Variants in ST8SIA6 observed in about 807,000 individuals in gnomAD.
ST8SIA6 encodes the protein ST8 alpha-N-acetyl-neuraminide alpha-2,8-sialyltransferase 6.
A neutral mutation model predicts 33.6 loss-of-function variants in ST8SIA6; 39 were observed. The ratio of observed to expected loss-of-function variants is 1.16; its 90% CI spans 0.90 to 1.52. ST8SIA6 has a LOEUF of 1.52. ST8SIA6 is among the 40% of genes most tolerant of loss of function. The pLI is 0.00. For synonymous variants in ST8SIA6, 172 were observed against 167.2 expected, an observed-to-expected ratio of 1.03 and a Z score of -0.22; for missense variants, 441 against 443.8, an observed-to-expected ratio of 0.99 and a Z score of 0.06.
intron 2 of ST8SIA6, among the ~76,000 whole-genome samples, chr10:17,434,039 C>CT (rs1254484639): frequency 5.9e-5 from 9 of 152,298 alleles, no homozygotes; most frequent in South Asian, 2.1e-4. Flanking sequence ...AAAACAGGCA[C>CT]TTGTACCTGT....
At chr10:17,354,214 C>T (rs4146638) in intron 4 of ST8SIA6, among the ~76,000 whole-genome samples, 23,864 of 152,038 alleles carry the variant, frequency 0.16, 2,238 homozygotes, top group East Asian at 0.49. Context: ...GACTAGAGGG[C>T]GTCTCATATC....
At chr10:17,438,964 C>A (rs1852375550) in intron 2 of ST8SIA6, among the ~76,000 whole-genome samples, 2 of 152,166 alleles carry the variant, frequency 1.3e-5, no homozygotes, top group Admixed American at 6.5e-5. Context: ...CTTTTTCAAT[C>A]CAGTGTGTTG....
rs1847766645 is a variant in ST8SIA6 at position 17,316,087 on chromosome 10, AAT to A, written c.*4789_*4790del. Reference sequence around the variant, plus strand: ...TAAGAATATCATATGTGAGTATAAGAATATATATGTCAAAGGCTTGCTGTATT... The same window carrying A: ...TAAGAATATCATATGTGAGTATAAGAATATATGTCAAAGGCTTGCTGTATT... On this transcript the variant is annotated 3_prime_UTR_variant, in exon 8 of 8. Coordinates refer to ENST00000377602, the MANE Select transcript of ST8SIA6 (RefSeq NM_001004470.3). Among the ~76,000 whole-genome samples, 1 of 151,974 alleles carries A rather than the reference AAT, an allele frequency of 6.6e-6. No homozygotes were observed. Among genetic ancestry groups the A allele is most frequent in the African/African-American group, 2.4e-5 (1 of 41,426 alleles).
chr10:17,359,482 T>A (rs2131617651), intron 4 of ST8SIA6, 32 bp downstream of exon 4: 1 of 1,485,120 alleles, frequency 6.7e-7, no homozygotes, highest in Middle Eastern at 1.7e-4. Flanking sequence ...AAGACATTTT[T>A]AAAATCTCAT....
chr10:17,378,744 CAA>C (rs1279809808), intron 3 of ST8SIA6, among the ~76,000 whole-genome samples: 2 of 152,128 alleles, frequency 1.3e-5, no homozygotes, highest in African/African-American at 2.4e-5. Flanking sequence ...GAAGCATTTG[CAA>C]AAGTGTTCCA....
chr10:17,432,021 C>A (rs1852117774), intron 2 of ST8SIA6, among the ~76,000 whole-genome samples: 1 of 152,006 alleles, frequency 6.6e-6, no homozygotes, highest in African/African-American at 2.4e-5. Flanking sequence ...AGCCGAAAAC[C>A]GGAAGCAAGA....
rs1564473677 is a variant in ST8SIA6 at position 17,454,484 on chromosome 10, C to G, written c.-229G>C. On this transcript the variant is annotated 5_prime_UTR_variant, in exon 1 of 8. Transcript: ENST00000377602. The surrounding 1 kb of genome is among the most constrained non-coding windows in gnomAD (Gnocchi z 4.1). ...GCTCGCCCCGGGCTCCCGGCCCCGG[C>G]CCGCGGAGCGCCGCGATCGGCTGGC... Among the ~76,000 whole-genome samples, 1 of 151,702 alleles carries G rather than the reference C, an allele frequency of 6.6e-6. No individual in the cohort carries two copies. Among genetic ancestry groups the G allele is most frequent in the Non-Finnish European group, 1.5e-5 (1 of 67,734 alleles).
rs576674469 is a variant in ST8SIA6 at position 17,375,946 on chromosome 10, T to C, written c.290+14585A>G. ...TGATCAGAATGGTAGAGCTATTTAA[T>C]ACATACGTGGCAGAGACGCCTGGCG... is the stretch of plus-strand genomic sequence containing the variant. On this transcript the variant is annotated intron_variant, in intron 3 of 7. Transcript: ENST00000377602. 2.0e-5 allele frequency among the ~76,000 whole-genome samples: 3 copies of C among 152,346 alleles called. No homozygotes were observed. The South Asian group carries it at 6.2e-4, about 32-fold the overall frequency.
chr10:17,349,661 T>C (rs17136474), intron 4 of ST8SIA6, among the ~76,000 whole-genome samples: 9,511 of 152,284 alleles, frequency 0.062, 537 homozygotes, highest in African/African-American at 0.14. Context: ...AGTAACTTAT[T>C]CACTTACAGG....
intron 3 of ST8SIA6, among the ~76,000 whole-genome samples, chr10:17,360,151 C>T (rs1171681085): frequency 1.3e-5 from 2 of 152,046 alleles, no homozygotes; most frequent in Non-Finnish European, 2.9e-5. Flanking sequence ...GAGCAGGATC[C>T]CAGTCCCTGG....
chr10:17,443,756 A>G (rs752243648), intron 2 of ST8SIA6, among the ~76,000 whole-genome samples: 4 of 152,256 alleles, frequency 2.6e-5, no homozygotes, highest in Non-Finnish European at 5.9e-5. Flanking sequence ...TAAATGTACT[A>G]CAGCAATGAT....
chr10:17,375,895 A>G (rs370319787), intron 3 of ST8SIA6, among the ~76,000 whole-genome samples: 1 of 152,140 alleles, frequency 6.6e-6, no homozygotes, highest in East Asian at 1.9e-4. Flanking sequence ...TTTAAGAGAC[A>G]CCCTAGAGGC....
At chr10:17,453,986 C>T (rs1159605000) in intron 1 of ST8SIA6, among the ~76,000 whole-genome samples, 169 bp downstream of exon 1, 1 of 152,090 alleles carries the variant, frequency 6.6e-6, no homozygotes, top group Non-Finnish European at 1.5e-5. Context: ...GGGTCGCCTC[C>T]CTGCGACCCC....
In ST8SIA6 at chr10:17,318,696, T is replaced by C. The variant is rs1465667915; in HGVS notation, c.*2182A>G. 1.9e-5 allele frequency: 9 copies of C among 471,248 alleles called. 1 individual carries two copies. Among genetic ancestry groups the C allele is most frequent in the South Asian group, 1.4e-4 (9 of 64,572 alleles). 29.2% of individuals were successfully genotyped at this position (471,248 alleles called of 1,614,324 possible). On this transcript the variant is annotated 3_prime_UTR_variant, in exon 8 of 8. Coordinates refer to ENST00000377602, the MANE Select transcript of ST8SIA6 (RefSeq NM_001004470.3). ...CTTGGTTGTGGCGAATCTACAAATCTACAAGATGGAGTTTATAGTTTTTCT... is the reference window on the plus strand; with the variant it reads ...CTTGGTTGTGGCGAATCTACAAATCCACAAGATGGAGTTTATAGTTTTTCT...
At chr10:17,346,807 A>C (rs925534203) in intron 4 of ST8SIA6, among the ~76,000 whole-genome samples, 7 of 152,208 alleles carry the variant, frequency 4.6e-5, no homozygotes, top group Admixed American at 2.0e-4. Context: ...TCATCTATCT[A>C]TCTATCTTAT....
rs1466078883 is a variant in ST8SIA6 at position 17,394,304 on chromosome 10, ATCT to A, written c.201-3687_201-3685del. Among the ~76,000 whole-genome samples, 4 of 151,640 alleles carry A rather than the reference ATCT, an allele frequency of 2.6e-5. No homozygotes were observed. The East Asian group carries it at 7.7e-4, about 29-fold the overall frequency. ...CAGAGTCAGCAAGGCCAGTCTCTGA[ATCT>A]GGGCTCCACTCTCTGACTTTAGCTC... On this transcript the variant is annotated intron_variant, in intron 2 of 7. Coordinates refer to ENST00000377602, the MANE Select transcript of ST8SIA6 (RefSeq NM_001004470.3).
At chr10:17,374,127 C>CTTT (rs56191415) in intron 3 of ST8SIA6, among the ~76,000 whole-genome samples, 26,643 of 148,432 alleles carry the variant, frequency 0.18, 2,574 homozygotes, top group South Asian at 0.21. Flanking sequence ...GAAAAGTAGT[C>CTTT]TATTTCTCAT....
At chr10:17,355,421 T>C (rs1849159392) in intron 4 of ST8SIA6, among the ~76,000 whole-genome samples, 1 of 152,206 alleles carries the variant, frequency 6.6e-6, no homozygotes, top group Non-Finnish European at 1.5e-5. Flanking sequence ...TCTTCAGTCA[T>C]AGAGCAATTT....
chr10:17,329,440 G>C (rs997563214), intron 5 of ST8SIA6, among the ~76,000 whole-genome samples: 3 of 152,056 alleles, frequency 2.0e-5, no homozygotes, highest in African/African-American at 4.8e-5. Flanking sequence ...CTTATTCCTG[G>C]TTATATCTGC....
Sources: allele counts gnomAD v4.1 joint callset (sites outside exome capture counted in the v4.1 genomes callset), GRCh38; gene constraint gnomAD v4.1.1; non-coding constraint Gnocchi (gnomAD v3.1); transcripts MANE v1.5; gene names NCBI Gene and HGNC (gene_info 2026-07-23, HGNC 2026-07-21).